GABBR1: variants seen among roughly 807,000 people sequenced by gnomAD.
GABBR1 encodes gamma-aminobutyric acid type B receptor subunit 1.
A neutral mutation model predicts 117.7 loss-of-function variants in GABBR1; 35 were observed. The ratio of observed to expected loss-of-function variants is 0.30; its 90% CI spans 0.23 to 0.39. GABBR1 has a LOEUF of 0.39. Among genes scored for constraint, GABBR1 ranks in the 10% least tolerant of loss-of-function variants. GABBR1 has a pLI of 1.00. For missense variants in GABBR1, 709 were observed against 1,241.8 expected (o/e 0.57, Z 6.45); for synonymous variants, 442 against 486.6 (o/e 0.91, Z 1.21).
Position 29,622,442 on chromosome 6 carries a change from G to A in GABBR1, c.964-237C>T. On this transcript the variant is annotated intron_variant, in intron 8 of 22. Transcript: ENST00000377034. This position sits in a 1 kb window ranked among gnomAD's most constrained non-coding sequence, Gnocchi z 4.6. ...TGAGCCCCTGCTGAGGCTCTGTGTG[G>A]GGGAAGCCACTCCATTCACCCACTC... 1.8e-6 allele frequency: 1 copy of A among 543,238 alleles called. No individual in the cohort carries two copies. Among genetic ancestry groups the A allele is most frequent in the Non-Finnish European group, 3.3e-6 (1 of 304,240 alleles). The allele number at this position is 543,238 out of a possible 1,614,324, so 33.7% of individuals were successfully genotyped here. A position where few individuals can be genotyped will look rare whatever the true frequency, so the allele number is the denominator to read the frequency against.
At chr6:29,617,508 G>A (rs1763272228) in intron 11 of GABBR1, among the ~76,000 whole-genome samples, 1 of 152,010 alleles carries the variant, frequency 6.6e-6, no homozygotes, top group Non-Finnish European at 1.5e-5. Context: ...CACCATGTTA[G>A]CCAGGCTGGT....
rs1562130866 is a variant in GABBR1, at chr6:29,631,912, T to TAA, written c.86-314_86-313insTT. The stretch of plus-strand genomic sequence containing the variant: ...TATGATATGTGGGTGGAGCTTTTCT[T>TAA]TAAAAAAAAAGGCTAAATGAGGATA... On this transcript the variant is annotated intron_variant, in intron 2 of 22. Coordinates refer to ENST00000377034, the MANE Select transcript of GABBR1 (RefSeq NM_001470.4). This position sits in a 1 kb window ranked among gnomAD's most constrained non-coding sequence, Gnocchi z 5.9. Among the ~76,000 whole-genome samples, 1 of 137,886 alleles carries TAA rather than the reference T, an allele frequency of 7.3e-6. No homozygotes were observed. The highest frequency in any genetic ancestry group is 2.3e-4 in the East Asian group (1 of 4,304). The allele number at this position is 137,886 out of a possible 152,430, so 90.5% of individuals were successfully genotyped here. A position where few individuals can be genotyped will look rare whatever the true frequency, so the allele number is the denominator to read the frequency against.
At position 29,603,500 on chromosome 6, in the gene GABBR1, C is replaced by T. The variant is rs755526569; in HGVS notation, c.*43G>A. 6.6e-7 allele frequency: 1 copy of T among 1,518,522 alleles called. No individual in the cohort carries two copies. Among genetic ancestry groups the T allele is most frequent in the Non-Finnish European group, 8.9e-7 (1 of 1,122,042 alleles). 94.1% of individuals were successfully genotyped at this position (1,518,522 alleles called of 1,614,324 possible). A position where few individuals can be genotyped will look rare whatever the true frequency, so the allele number is the denominator to read the frequency against. Reference sequence around the variant, plus strand: ...CCTGAGTCCCCTGCCCTTCCCCTCTCCCTTTCCCTCCCCCTACTGGCCTGT... The same window carrying T: ...CCTGAGTCCCCTGCCCTTCCCCTCTTCCTTTCCCTCCCCCTACTGGCCTGT... On this transcript the variant is annotated 3_prime_UTR_variant, in exon 23 of 23. Coordinates refer to ENST00000377034, the MANE Select transcript of GABBR1 (RefSeq NM_001470.4).
rs1762061781 is a variant in GABBR1, at chr6:29,607,304, TGGGCAGGGAGCAC to T, written c.1993-99_1993-87del. On this transcript the variant is annotated intron_variant, in intron 16 of 22. Transcript: ENST00000377034. This position sits in a 1 kb window ranked among gnomAD's most constrained non-coding sequence, Gnocchi z 5.0. ...GGATGGGCAGAACCCTAAGGGAGAGTGGGCAGGGAGCACGGGCAGGGAGCTCATGGTGGCACAG... is the reference window on the plus strand; with the variant it reads ...GGATGGGCAGAACCCTAAGGGAGAGTGGGCAGGGAGCTCATGGTGGCACAG... 6 of 1,082,396 alleles carry T rather than the reference TGGGCAGGGAGCAC, an allele frequency of 5.5e-6. No homozygotes were observed. The highest frequency in any genetic ancestry group is 1.6e-5 in the African/African-American group (1 of 64,228). The allele number at this position is 1,082,396 out of a possible 1,614,324, so 67.0% of individuals were successfully genotyped here.
Position 29,617,642 on chromosome 6 carries a change from A to G in GABBR1, c.1323+3459T>C, listed in dbSNP as rs1763292313. 3.3e-5 allele frequency among the ~76,000 whole-genome samples: 5 copies of G among 152,340 alleles called. No individual in the cohort carries two copies. The South Asian group carries it at 1.0e-3, about 32-fold the overall frequency. ...ACTGACTCTGAGGCATTTTTAATGT[A>G]TGATGAATAATCTCAAAATCAAAAT... On this transcript the variant is annotated intron_variant, in intron 11 of 22. Coordinates refer to ENST00000377034, the MANE Select transcript of GABBR1 (RefSeq NM_001470.4).
At position 29,621,708 on chromosome 6, in the gene GABBR1, G is replaced by T. The variant is rs749193054; in HGVS notation, c.1131+44C>A. ...AGGAGGCCCCACAAGAAAACCAAGG[G>T]AAACTCCCACCCAGTGCCCCTCCCT... On this transcript the variant is annotated intron_variant, in intron 10 of 22. Transcript: ENST00000377034. This position sits in a 1 kb window ranked among gnomAD's most constrained non-coding sequence, Gnocchi z 5.0. 6.4e-7 allele frequency: 1 copy of T among 1,574,584 alleles called. No homozygotes were observed. Among genetic ancestry groups the T allele is most frequent in the Admixed American group, 1.7e-5 (1 of 59,838 alleles).
chr6:29,603,811 G>A (rs942088531), intron 22 of GABBR1, 95 bp from the exon 23 acceptor site: 39 of 934,464 alleles, frequency 4.2e-5, no homozygotes, highest in Non-Finnish European at 5.0e-5. Context: ...GGAAAGAGAG[G>A]AAGGGCACAG....
In GABBR1 at chr6:29,609,193, G is replaced by A; in HGVS notation, c.1859+36C>T. On this transcript the variant is annotated intron_variant, in intron 15 of 22. Coordinates refer to ENST00000377034, the MANE Select transcript of GABBR1 (RefSeq NM_001470.4). The surrounding 1 kb of genome is among the most constrained non-coding windows in gnomAD (Gnocchi z 4.3). The stretch of plus-strand genomic sequence containing the variant: ...CCAGGAACATGATCAGTATCTCAGA[G>A]AGGCAGACAAGGAAAACGTCAGAAG... The A allele has an allele frequency of 6.2e-7, 1 of 1,602,302 alleles. No homozygotes were observed. The highest frequency in any genetic ancestry group is 8.5e-7 in the Non-Finnish European group (1 of 1,170,502).
chr6:29,621,917 T>G lies in GABBR1; in HGVS notation c.1066-100A>C. ...CTTTGATTTCCCATCCCAAAGTGCT[T>G]AGTGCAGGGTAACGCTCAACGTATA... On this transcript the variant is annotated intron_variant, in intron 9 of 22. Transcript: ENST00000377034. The surrounding 1 kb of genome is among the most constrained non-coding windows in gnomAD (Gnocchi z 5.0). 8.0e-7 allele frequency: 1 copy of G among 1,247,956 alleles called. No homozygotes were observed. 77.3% of individuals were successfully genotyped at this position (1,247,956 alleles called of 1,614,324 possible).
chr6:29,610,068 T>TAA (rs28383948), intron 14 of GABBR1, among the ~76,000 whole-genome samples: 7 of 125,264 alleles, frequency 5.6e-5, no homozygotes, highest in African/African-American at 2.1e-4. Context: ...ATTCGAATTG[T>TAA]AAAAAAAAAA....
At position 29,602,981 on chromosome 6, in the gene GABBR1, G is replaced by A; in HGVS notation, c.*562C>T. Reference sequence around the variant, plus strand: ...GCTGAGCGTGAGTGCACAGAGCAGAGGCAAGGAGCATGTGAGCCTTGGCGA... The same window carrying A: ...GCTGAGCGTGAGTGCACAGAGCAGAAGCAAGGAGCATGTGAGCCTTGGCGA... On this transcript the variant is annotated 3_prime_UTR_variant, in exon 23 of 23. Transcript: ENST00000377034. 1 of 456,648 alleles carries A rather than the reference G, an allele frequency of 2.2e-6. No homozygotes were observed. The highest frequency in any genetic ancestry group is 4.4e-6 in the Non-Finnish European group (1 of 226,958). 28.3% of individuals were successfully genotyped at this position (456,648 alleles called of 1,614,324 possible). A position where few individuals can be genotyped will look rare whatever the true frequency, so the allele number is the denominator to read the frequency against.
Position 29,606,756 on chromosome 6 carries a change from A to T in GABBR1, c.2217+141T>A. The stretch of plus-strand genomic sequence containing the variant: ...AGGCCTATGAGGGGCTCCTTCTAGG[A>T]AGGAAAGGAAGAGCTTCCAATACGA... On this transcript the variant is annotated intron_variant, in intron 18 of 22. Transcript: ENST00000377034. The surrounding 1 kb of genome is among the most constrained non-coding windows in gnomAD (Gnocchi z 4.5). 1.4e-6 allele frequency: 1 copy of T among 709,182 alleles called. No homozygotes were observed. Among genetic ancestry groups the T allele is most frequent in the Non-Finnish European group, 2.4e-6 (1 of 423,642 alleles). The allele number at this position is 709,182 out of a possible 1,614,324, so 43.9% of individuals were successfully genotyped here.
Position 29,622,733 on chromosome 6 carries a change from C to A in GABBR1, c.964-528G>T, listed in dbSNP as rs1763884228. On this transcript the variant is annotated intron_variant, in intron 8 of 22. Coordinates refer to ENST00000377034, the MANE Select transcript of GABBR1 (RefSeq NM_001470.4). This position sits in a 1 kb window ranked among gnomAD's most constrained non-coding sequence, Gnocchi z 4.6. Reference sequence around the variant, plus strand: ...ATGTAGAGCCTGTATTTCCTCTCTACCTCCCCAAATCTCCCTCTTCCCCCT... The same window carrying A: ...ATGTAGAGCCTGTATTTCCTCTCTAACTCCCCAAATCTCCCTCTTCCCCCT... Among the ~76,000 whole-genome samples the A allele has an allele frequency of 1.3e-5, 2 of 151,994 alleles. No individual in the cohort carries two copies. Among genetic ancestry groups the A allele is most frequent in the Admixed American group, 6.6e-5 (1 of 15,258 alleles).
At position 29,606,645 on chromosome 6, in the gene GABBR1, T is replaced by G; in HGVS notation, c.2218-161A>C. The G allele has an allele frequency of 1.5e-6, 1 of 652,568 alleles. No homozygotes were observed. The highest frequency in any genetic ancestry group is 2.7e-6 in the Non-Finnish European group (1 of 368,678). 40.4% of individuals were successfully genotyped at this position (652,568 alleles called of 1,614,324 possible). A position where few individuals can be genotyped will look rare whatever the true frequency, so the allele number is the denominator to read the frequency against. On this transcript the variant is annotated intron_variant, in intron 18 of 22. Transcript: ENST00000377034. The surrounding 1 kb of genome is among the most constrained non-coding windows in gnomAD (Gnocchi z 4.5). ...GAATGTTTTCCTGAACCCTTGGAGG[T>G]GCTTGTTCCCCACTTTCCCTGATGC...
At position 29,602,619 on chromosome 6, in the gene GABBR1, T is replaced by C. The variant is rs1761480778; in HGVS notation, c.*924A>G. 4.9e-6 allele frequency: 1 copy of C among 205,612 alleles called. No homozygotes were observed. Among genetic ancestry groups the C allele is most frequent in the African/African-American group, 2.3e-5 (1 of 42,984 alleles). 12.7% of individuals were successfully genotyped at this position (205,612 alleles called of 1,614,324 possible). Reference sequence around the variant, plus strand: ...TGAATTGGGGAAAAGTGCATAACAATGTGCAGGGTAGGGTACATATGGCTC... The same window carrying C: ...TGAATTGGGGAAAAGTGCATAACAACGTGCAGGGTAGGGTACATATGGCTC... On this transcript the variant is annotated 3_prime_UTR_variant, in exon 23 of 23. Coordinates refer to ENST00000377034, the MANE Select transcript of GABBR1 (RefSeq NM_001470.4).
Position 29,606,945 on chromosome 6 carries a change from G to C in GABBR1, c.2169C>G (p.Leu723=). 1.2e-6 allele frequency: 2 copies of C among 1,614,254 alleles called. No homozygotes were observed. Among genetic ancestry groups the C allele is most frequent in the Non-Finnish European group, 1.7e-6 (2 of 1,180,050 alleles). Residue 723 remains leucine, a synonymous_variant, in exon 18 of 23, where the codon CTC becomes CTG. Coordinates refer to ENST00000377034, the MANE Select transcript of GABBR1 (RefSeq NM_001470.4). The surrounding 1 kb of genome is among the most constrained non-coding windows in gnomAD (Gnocchi z 4.5). ...TVGLLVGMDV[L]TLAIWQIVDP... is the part of the protein sequence containing the mutation. ...CCACGATCTGCCAGATGGCGAGAGT[G>C]AGGACATCCATGCCCACCAGCAGGC...
chr6:29,604,984 A>G lies in GABBR1; in HGVS notation c.2444T>C (p.Leu815Pro). ...GGTGACAGGAGCAGTGATGAGGCAC[A>G]GGACCTAGAGGGAAAGACACATTGA... ...VGMAIYNVAVLCLITAPVTMI... is the reference protein window; with the variant it reads ...VGMAIYNVAVPCLITAPVTMI... The change falls in exon 21 of 23, where the codon CTG becomes CCG. Residue 815 changes from leucine to proline, a missense_variant. Around this residue, in one of 9 missense-constraint regions of GABBR1, gnomAD observed 251 missense variants for 445.3 expected, o/e 0.56. Transcript: ENST00000377034. The surrounding 1 kb of genome is among the most constrained non-coding windows in gnomAD (Gnocchi z 5.3). 1 of 1,609,526 alleles carries G rather than the reference A, an allele frequency of 6.2e-7. No individual in the cohort carries two copies. The highest frequency in any genetic ancestry group is 8.5e-7 in the Non-Finnish European group (1 of 1,178,422).
chr6:29,612,529 C>A, intron 13 of GABBR1, 22 bp downstream of exon 13: 1 of 1,611,462 alleles, frequency 6.2e-7, no homozygotes, highest in Non-Finnish European at 8.5e-7. Context: ...CATGTCCGGT[C>A]CCCTCCTGCC....
Position 29,603,097 on chromosome 6 carries a change from A to C in GABBR1, c.*446T>G, listed in dbSNP as rs565078236. On this transcript the variant is annotated 3_prime_UTR_variant, in exon 23 of 23. Transcript: ENST00000377034. ...AAGTAAGATGGAAAGAGATTATGACAGTGGAGAAAAGGAGAGGCCCCTTTG... is the reference window on the plus strand; with the variant it reads ...AAGTAAGATGGAAAGAGATTATGACCGTGGAGAAAAGGAGAGGCCCCTTTG... 12 of 459,796 alleles carry C rather than the reference A, an allele frequency of 2.6e-5. No homozygotes were observed. The highest frequency in any genetic ancestry group is 1.4e-4 in the Admixed American group (6 of 42,634). The allele number at this position is 459,796 out of a possible 1,614,324, so 28.5% of individuals were successfully genotyped here. A position where few individuals can be genotyped will look rare whatever the true frequency, so the allele number is the denominator to read the frequency against.
Sources: gnomAD v4.1 joint callset for allele counts (sites outside exome capture counted in the v4.1 genomes callset) on GRCh38, gnomAD v4.1.1 for gene constraint, gnomAD v4.1.1 regional missense constraint, Gnocchi (gnomAD v3.1) non-coding constraint, MANE v1.5 for transcripts, NCBI Gene and HGNC (gene_info 2026-07-23, HGNC 2026-07-21) for gene names.